The following VAV2 variants were observed in gnomAD, a reference collection of about 807,000 sequenced individuals.
The protein encoded by VAV2 is vav guanine nucleotide exchange factor 2.
A neutral mutation model predicts 132.5 loss-of-function variants in VAV2; 67 were observed. That is an observed-to-expected ratio of 0.51 (90% CI 0.42 to 0.62). VAV2 has a LOEUF of 0.62. VAV2 is among the 20% of genes least tolerant of loss of function. The pLI is 0.00. For synonymous variants in VAV2, 492 were observed against 443.5 expected, an observed-to-expected ratio of 1.11 and a Z score of -1.37; for missense variants, 938 against 1,153.6, an observed-to-expected ratio of 0.81 and a Z score of 2.71.
At chr9:133,836,574 T>C (rs1836481578) in intron 3 of VAV2, among the ~76,000 whole-genome samples, 1 of 152,214 alleles carries the variant, frequency 6.6e-6, no homozygotes, top group Admixed American at 6.5e-5. Context: ...TAAAATGACA[T>C]CATGGCAAAG....
chr9:133,981,905 C>T (rs1842706209), intron 1 of VAV2, among the ~76,000 whole-genome samples: 2 of 152,248 alleles, frequency 1.3e-5, no homozygotes, highest in Non-Finnish European at 2.9e-5. Flanking sequence ...TGGAGGCGCT[C>T]AGCCCGCTTC....
intron 13 of VAV2, among the ~76,000 whole-genome samples, chr9:133,789,648 C>T (rs1234401272): frequency 3.9e-5 from 6 of 152,020 alleles, no homozygotes; most frequent in Non-Finnish European, 8.8e-5. Flanking sequence ...CAGAGGCCGC[C>T]GCTGTGTGGA....
chr9:133,831,027 T>C (rs907978943), intron 4 of VAV2, among the ~76,000 whole-genome samples: 7 of 152,178 alleles, frequency 4.6e-5, no homozygotes, highest in Non-Finnish European at 1.0e-4. Flanking sequence ...AATAACATTA[T>C]TGGACAGTGC....
At position 133,872,192 on chromosome 9, in the gene VAV2, G is replaced by C. The variant is rs1031651295; in HGVS notation, c.322-10760C>G. 2.0e-5 allele frequency among the ~76,000 whole-genome samples: 3 copies of C among 152,156 alleles called. No individual in the cohort carries two copies. In the East Asian group the frequency reaches 5.8e-4, roughly 30 times the overall value. On this transcript the variant is annotated intron_variant, in intron 2 of 29. Coordinates refer to ENST00000371850, the MANE Select transcript of VAV2 (RefSeq NM_001134398.2). ...GGGGAGACTGATCGTATGTGAACCA[G>C]GGCGTCAGTGACCTGGCCGACCCCA...
rs926055224 is a variant in VAV2 at position 133,788,593 on chromosome 9, G to A, written c.1275-107C>T. On this transcript the variant is annotated intron_variant, in intron 14 of 29. Coordinates refer to ENST00000371850, the MANE Select transcript of VAV2 (RefSeq NM_001134398.2). The surrounding 1 kb of genome is among the most constrained non-coding windows in gnomAD (Gnocchi z 5.3). ...GGCTCTGGCACGCGGCTCCCTCTCC[G>A]GGCGAGCCCTGCCCTCACCTGGCTC... The A allele has an allele frequency of 6.7e-5, 99 of 1,483,604 alleles. No individual in the cohort carries two copies. The highest frequency in any genetic ancestry group is 8.4e-5 in the Non-Finnish European group (92 of 1,099,762). The allele number at this position is 1,483,604 out of a possible 1,614,324, so 91.9% of individuals were successfully genotyped here.
At chr9:133,930,098 C>A (rs2810513) in intron 2 of VAV2, among the ~76,000 whole-genome samples, 151,029 of 152,344 alleles carry the variant, frequency 0.99, 74,876 homozygotes, top group Middle Eastern at 1. Context: ...CCGTCAGCAC[C>A]GACACCGGTG....
Position 133,774,969 on chromosome 9 carries a change from G to A in VAV2, c.2101C>T (p.Pro701Ser). ...ASGTYLIRER[P>S]AEAERFAISI... Reference sequence around the variant, plus strand: ...ATTGCAAAGCGCTCAGCCTCGGCAGGCCGCTCCCTGATCAGGTAGGTCCCG... The same window carrying A: ...ATTGCAAAGCGCTCAGCCTCGGCAGACCGCTCCCTGATCAGGTAGGTCCCG... The change falls in exon 25 of 30, where the codon CCT becomes TCT. Residue 701 changes from proline to serine, a missense_variant. Physicochemically the swap from Pro to Ser is moderately conservative, Grantham distance 74. Coordinates refer to ENST00000371850, the MANE Select transcript of VAV2 (RefSeq NM_001134398.2). 1 of 1,613,476 alleles carries A rather than the reference G, an allele frequency of 6.2e-7. No homozygotes were observed. The highest frequency in any genetic ancestry group is 1.6e-4 in the Middle Eastern group (1 of 6,062).
At chr9:133,968,157 C>T (rs1167122498) in intron 1 of VAV2, among the ~76,000 whole-genome samples, 1 of 151,964 alleles carries the variant, frequency 6.6e-6, no homozygotes, top group African/African-American at 2.4e-5. Context: ...TTACAGTTAA[C>T]GATAACTTCT....
At chr9:133,852,591 C>A (rs1161218203) in intron 3 of VAV2, among the ~76,000 whole-genome samples, 1 of 152,162 alleles carries the variant, frequency 6.6e-6, no homozygotes, top group Non-Finnish European at 1.5e-5. Flanking sequence ...CTTTTAAAGA[C>A]AGACACAGGC....
rs1237449790 is a variant in VAV2, at chr9:133,992,321, A to G, written c.-43T>C. 1.6e-6 allele frequency: 2 copies of G among 1,272,248 alleles called. No individual in the cohort carries two copies. Among genetic ancestry groups the G allele is most frequent in the Admixed American group, 4.0e-5 (1 of 24,700 alleles). 78.8% of individuals were successfully genotyped at this position (1,272,248 alleles called of 1,614,324 possible). On this transcript the variant is annotated 5_prime_UTR_variant, in exon 1 of 30. Transcript: ENST00000371850. This position sits in a 1 kb window ranked among gnomAD's most constrained non-coding sequence, Gnocchi z 5.5. ...CCGGCTCAGGGCAGTGCTCGAGCCAAAGTGCAGCGGCCGCGGGGCATCCCG... is the reference window on the plus strand; with the variant it reads ...CCGGCTCAGGGCAGTGCTCGAGCCAGAGTGCAGCGGCCGCGGGGCATCCCG...
chr9:133,797,087 T>A (rs1447198316), intron 10 of VAV2, among the ~76,000 whole-genome samples: 1 of 152,144 alleles, frequency 6.6e-6, no homozygotes, highest in Non-Finnish European at 1.5e-5. Context: ...TTCACCAGGC[T>A]CCACGCAGAA....
At chr9:133,965,541 A>G (rs543311680) in intron 1 of VAV2, among the ~76,000 whole-genome samples, 3 of 151,914 alleles carry the variant, frequency 2.0e-5, no homozygotes, top group African/African-American at 4.8e-5. Flanking sequence ...TATAACAGCT[A>G]CAAAATAATT....
chr9:133,800,283 T>G (rs996510538), intron 9 of VAV2, among the ~76,000 whole-genome samples: 11 of 152,096 alleles, frequency 7.2e-5, no homozygotes, highest in Middle Eastern at 3.2e-3. Context: ...CTTTGAAAAG[T>G]GCCCCTGACC....
intron 5 of VAV2, among the ~76,000 whole-genome samples, chr9:133,811,387 A>G (rs1450370090): frequency 1.3e-5 from 2 of 152,222 alleles, no homozygotes; most frequent in African/African-American, 2.4e-5. Context: ...CAGCTTTCTG[A>G]GAAATTTCCT....
intron 4 of VAV2, among the ~76,000 whole-genome samples, chr9:133,812,525 G>A (rs1835399997): frequency 6.6e-6 from 1 of 152,210 alleles, no homozygotes; most frequent in Non-Finnish European, 1.5e-5. Context: ...GTAGGCCAGA[G>A]GTCCAGGGGC....
At chr9:133,853,187 G>T (rs1451049240) in intron 3 of VAV2, among the ~76,000 whole-genome samples, 1 of 152,224 alleles carries the variant, frequency 6.6e-6, no homozygotes. Flanking sequence ...TGGCCAGTGG[G>T]CCAGGTTGTG....
At chr9:133,843,219 C>T (rs1016840050) in intron 3 of VAV2, among the ~76,000 whole-genome samples, 2 of 151,912 alleles carry the variant, frequency 1.3e-5, no homozygotes, top group Non-Finnish European at 1.5e-5. Context: ...AGCACAGGGC[C>T]GAGGGGTGCA....
intron 2 of VAV2, among the ~76,000 whole-genome samples, chr9:133,914,753 A>AG (rs1840005476): frequency 1.5e-5 from 1 of 65,204 alleles, no homozygotes; most frequent in African/African-American, 7.5e-5. Context: ...AGGGGAGGGG[A>AG]GAGGAGAGGA....
intron 2 of VAV2, among the ~76,000 whole-genome samples, chr9:133,903,039 C>A (rs1171879627): frequency 6.7e-6 from 1 of 149,256 alleles, no homozygotes; most frequent in Non-Finnish European, 1.5e-5. Flanking sequence ...CAGGCCACTG[C>A]ACTCCAGCCT....
Sources: allele counts gnomAD v4.1 joint callset (sites outside exome capture counted in the v4.1 genomes callset), GRCh38; gene constraint gnomAD v4.1.1; non-coding constraint Gnocchi (gnomAD v3.1); transcripts MANE v1.5; gene names NCBI Gene and HGNC (gene_info 2026-07-23, HGNC 2026-07-21).